Variants in PCNX1 observed in about 807,000 individuals in gnomAD.
PCNX1 encodes the protein pecanex-like protein 1.
PCNX1 carries 78 observed loss-of-function variants against 242.2 expected under a neutral mutation model. The ratio of observed to expected loss-of-function variants is 0.32; its 90% CI spans 0.27 to 0.39. The LOEUF is 0.39. Ranked by LOEUF, PCNX1 falls within the 10% of genes least tolerant of loss-of-function variation. PCNX1 has a pLI of 1.00. For missense variants in PCNX1, 2,581 were observed against 2,856.5 expected (o/e 0.90, Z 2.20); for synonymous variants, 1,024 against 1,032.9 (o/e 0.99, Z 0.17).
chr14:71,105,636 G>A (rs1198810911), intron 33 of PCNX1, among the ~76,000 whole-genome samples, 196 bp downstream of exon 33: 1 of 150,978 alleles, frequency 6.6e-6, no homozygotes, highest in African/African-American at 2.4e-5. Flanking sequence ...TCCGCCTCCC[G>A]GGTTCATGCC....
At chr14:71,030,506 G>T (rs1359480190) in intron 16 of PCNX1, among the ~76,000 whole-genome samples, 3 of 152,106 alleles carry the variant, frequency 2.0e-5, no homozygotes, top group African/African-American at 7.2e-5. Flanking sequence ...TCAGCATTAT[G>T]CCTGCCATTT....
At chr14:70,953,485 T>TA (rs1043462495) in intron 2 of PCNX1, among the ~76,000 whole-genome samples, 115 of 152,022 alleles carry the variant, frequency 7.6e-4, no homozygotes, top group African/African-American at 2.6e-3. Context: ...TTTTATTTTT[T>TA]TATATATTCA....
chr14:70,930,316 T>C (rs2140152930), intron 1 of PCNX1, among the ~76,000 whole-genome samples: 1 of 152,250 alleles, frequency 6.6e-6, no homozygotes, highest in South Asian at 2.1e-4. Context: ...TGGCTTCATA[T>C]GGATCAAGCT....
chr14:70,941,154 C>T (rs980032438), intron 1 of PCNX1, among the ~76,000 whole-genome samples: 4 of 152,132 alleles, frequency 2.6e-5, no homozygotes, highest in Non-Finnish European at 5.9e-5. Context: ...TTCTCTGTCC[C>T]TTTGTTCCAT....
intron 28 of PCNX1, among the ~76,000 whole-genome samples, chr14:71,084,669 G>A (rs547241948): frequency 1.7e-4 from 26 of 152,320 alleles, no homozygotes; most frequent in Middle Eastern, 3.4e-3. Flanking sequence ...GCCTACTGAA[G>A]CCTCAGTAAT....
Position 70,923,128 on chromosome 14 carries a change from C to G in PCNX1, c.153+15125C>G, listed in dbSNP as rs535463621. On this transcript the variant is annotated intron_variant, in intron 1 of 35. Transcript: ENST00000304743. ...CACACGTCTTTTTTCTTTTAACTGC[C>G]TTTTGTATATTTTGTCCTTTTCTGA... Among the ~76,000 whole-genome samples, 10 of 151,960 alleles carry G rather than the reference C, an allele frequency of 6.6e-5. No individual in the cohort carries two copies. In the East Asian group the frequency reaches 1.9e-3, roughly 29 times the overall value.
At chr14:71,030,407 G>A (rs755513319) in intron 16 of PCNX1, among the ~76,000 whole-genome samples, 2 of 151,814 alleles carry the variant, frequency 1.3e-5, no homozygotes, top group East Asian at 1.9e-4. Flanking sequence ...TCTAGTTTAC[G>A]TGCCTAGATT....
intron 1 of PCNX1, among the ~76,000 whole-genome samples, chr14:70,910,279 G>C (rs1364888773): frequency 1.7e-5 from 2 of 118,412 alleles, no homozygotes; most frequent in Admixed American, 1.8e-4. Flanking sequence ...TCATTCCCTT[G>C]GTTCGTCACC....
chr14:71,033,596 T>C (rs2060451368), intron 17 of PCNX1, 58 bp downstream of exon 17: 1 of 929,774 alleles, frequency 1.1e-6, no homozygotes, highest in Middle Eastern at 2.2e-4. Context: ...GGTGTTTTTT[T>C]CAAATACCTT....
Position 70,923,753 on chromosome 14 carries a change from C to T in PCNX1, c.153+15750C>T, listed in dbSNP as rs1047433971. 3.9e-5 allele frequency among the ~76,000 whole-genome samples: 6 copies of T among 152,246 alleles called. No individual in the cohort carries two copies. In the South Asian group the frequency reaches 1.2e-3, roughly 32 times the overall value. On this transcript the variant is annotated intron_variant, in intron 1 of 35. Transcript: ENST00000304743. ...TTAATAGTGAATAGTATTCCATTGCCTGGATGTATTATTTAACCTGTTGCC... is the reference window on the plus strand; with the variant it reads ...TTAATAGTGAATAGTATTCCATTGCTTGGATGTATTATTTAACCTGTTGCC...
rs766875281 is a variant in PCNX1 at position 71,019,014 on chromosome 14, G to A, written c.3002G>A (p.Arg1001His). Residue 1001 changes from arginine (R) to histidine (H), a missense_variant, in exon 12 of 36, where the codon CGT becomes CAT. Arg to His is a conservative substitution (Grantham distance 29). This residue lies in a region of PCNX1 where 3 missense variants were observed against 16.3 expected (regional missense o/e 0.18). Coordinates refer to ENST00000304743, the MANE Select transcript of PCNX1 (RefSeq NM_014982.3). ...ATAAGTTTTTCTGTCCGTAGAAATC[G>A]TGAGATCCTGGAAAATGTGTTAGCT... ...LTLLALFDRN[R>H]EILENVLAVI... is the part of the protein sequence containing the mutation. 9 of 1,607,942 alleles carry A rather than the reference G, an allele frequency of 5.6e-6. No individual in the cohort carries two copies. The Admixed American group carries it at 1.2e-4, about 21-fold the overall frequency.
At chr14:70,926,516 CTT>C (rs2056597889) in intron 1 of PCNX1, among the ~76,000 whole-genome samples, 1 of 152,154 alleles carries the variant, frequency 6.6e-6, no homozygotes, top group Non-Finnish European at 1.5e-5. Flanking sequence ...ATGTAAACCT[CTT>C]TTGGGAGATT....
chr14:70,946,614 A>G (rs71425229), intron 1 of PCNX1, among the ~76,000 whole-genome samples: 13,165 of 152,308 alleles, frequency 0.086, 686 homozygotes, highest in Admixed American at 0.17. Flanking sequence ...TATTATTTCA[A>G]CATGTAATCA....
intron 1 of PCNX1, among the ~76,000 whole-genome samples, chr14:70,925,720 A>T (rs1296301811): frequency 6.6e-6 from 1 of 152,100 alleles, no homozygotes. Context: ...TTATATACCC[A>T]TGCACCATAT....
chr14:71,101,858 A>AT (rs2062470687), intron 30 of PCNX1, 132 bp from the exon 31 acceptor site: 1 of 500,144 alleles, frequency 2.0e-6, no homozygotes. Flanking sequence ...TCTATAATTT[A>AT]TCTCTAATAA....
chr14:71,104,025 T>C (rs937058624), intron 32 of PCNX1, among the ~76,000 whole-genome samples: 7 of 152,206 alleles, frequency 4.6e-5, no homozygotes, highest in Non-Finnish European at 8.8e-5. Context: ...AACATGCAAG[T>C]TGATTACTTT....
chr14:70,941,600 T>A (rs1360235440), intron 1 of PCNX1, among the ~76,000 whole-genome samples: 1 of 152,180 alleles, frequency 6.6e-6, no homozygotes, highest in Non-Finnish European at 1.5e-5. Context: ...GAGGAGGCAG[T>A]TTGTCCATTC....
intron 2 of PCNX1, among the ~76,000 whole-genome samples, chr14:70,959,092 A>T (rs1006277052): frequency 6.6e-6 from 1 of 150,570 alleles, no homozygotes; most frequent in Non-Finnish European, 1.5e-5. Flanking sequence ...TTAGTAAAAA[A>T]CTCTGGGCAA....
At position 70,910,444 on chromosome 14, in the gene PCNX1, C is replaced by CA. The variant is rs564778529; in HGVS notation, c.153+2442dup. Among the ~76,000 whole-genome samples, 1,215 of 152,012 alleles carry CA rather than the reference C, an allele frequency of 8.0e-3. 10 individuals carry two copies. The highest frequency in any genetic ancestry group is 0.024 in the Middle Eastern group (7 of 294). ...GTGTCTCTCTTGTCTCAACCACACA[C>CA]ACATTTGCCGCCTTACTCTTCTTGC... On this transcript the variant is annotated intron_variant, in intron 1 of 35. Coordinates refer to ENST00000304743, the MANE Select transcript of PCNX1 (RefSeq NM_014982.3).
Sources: gnomAD v4.1 joint callset for allele counts (sites outside exome capture counted in the v4.1 genomes callset) on GRCh38, gnomAD v4.1.1 for gene constraint, gnomAD v4.1.1 regional missense constraint, MANE v1.5 for transcripts, NCBI Gene and HGNC (gene_info 2026-07-23, HGNC 2026-07-21) for gene names.